Variants in EGF observed in about 807,000 individuals in gnomAD.
The protein encoded by EGF is pro-epidermal growth factor.
In EGF, 95 loss-of-function variants were observed where a neutral mutation model predicts 143.8. The ratio of observed to expected loss-of-function variants is 0.66; its 90% CI spans 0.56 to 0.78. The LOEUF is 0.78. Among genes scored for constraint, EGF ranks in the 30% least tolerant of loss-of-function variants. EGF has a pLI of 0.00. For missense variants in EGF, 1,320 were observed against 1,470.9 expected (o/e 0.90, Z 1.68); for synonymous variants, 510 against 510.5 (o/e 1.00, Z 0.01).
chr4:109,943,701 G>A, intron 3 of EGF, 141 bp from the exon 4 acceptor site: 1 of 793,928 alleles, frequency 1.3e-6, no homozygotes. Context: ...TCTACAATAG[G>A]GCAGTGTTTA....
intron 18 of EGF, among the ~76,000 whole-genome samples, chr4:109,989,495 C>G (rs1324909147): frequency 6.6e-6 from 1 of 152,204 alleles, no homozygotes; most frequent in East Asian, 1.9e-4. Context: ...AATGATACTG[C>G]TTTCTCCCAC....
chr4:109,980,888 A>G lies in EGF; in HGVS notation c.2284A>G (p.Thr762Ala), dbSNP rs1332918582. ...CEHICKKRLGTAWCSCREGFM... is the reference protein window; with the variant it reads ...CEHICKKRLGAAWCSCREGFM... Reference sequence around the variant, plus strand: ...ACATATTTGCAAAAAGAGGCTTGGAACTGCTTGGTGTTCGTGTCGTGAAGG... The same window carrying G: ...ACATATTTGCAAAAAGAGGCTTGGAGCTGCTTGGTGTTCGTGTCGTGAAGG... The change falls in exon 15 of 24, where the codon ACT becomes GCT. Residue 762 changes from threonine (T) to alanine (A), a missense_variant. Thr to Ala is a moderately conservative substitution (Grantham distance 58, BLOSUM62 0). Coordinates refer to ENST00000265171, the MANE Select transcript of EGF (RefSeq NM_001963.6). 1 of 1,614,080 alleles carries G rather than the reference A, an allele frequency of 6.2e-7. No homozygotes were observed. Among genetic ancestry groups the G allele is most frequent in the Admixed American group, 1.7e-5 (1 of 59,998 alleles).
At chr4:109,979,908 C>T (rs1223597795) in intron 13 of EGF, 64 bp from the exon 14 acceptor site, 1 of 1,589,218 alleles carries the variant, frequency 6.3e-7, no homozygotes, top group Non-Finnish European at 8.6e-7. Flanking sequence ...CAAGCCTTGT[C>T]CTTTCGTAAA....
intron 1 of EGF, among the ~76,000 whole-genome samples, chr4:109,926,879 T>C (rs1461158633): frequency 6.6e-6 from 1 of 152,228 alleles, no homozygotes; most frequent in Non-Finnish European, 1.5e-5. Flanking sequence ...TGAAGATAGA[T>C]GTTGGAGATG....
intron 20 of EGF, among the ~76,000 whole-genome samples, chr4:109,998,238 C>G (rs759969704): frequency 2.0e-5 from 3 of 152,204 alleles, no homozygotes; most frequent in Non-Finnish European, 4.4e-5. Flanking sequence ...TAGTAAATGG[C>G]TGTAACCAAA....
chr4:109,992,552 A>G (rs553040154), intron 18 of EGF: 2 of 152,316 alleles, frequency 1.3e-5, no homozygotes, highest in African/African-American at 2.4e-5. Flanking sequence ...TCCTTCAGGG[A>G]TCTAGAACTA....
intron 5 of EGF, among the ~76,000 whole-genome samples, chr4:109,948,028 C>A (rs72894562): frequency 0.011 from 1,672 of 152,314 alleles, 25 homozygotes; most frequent in African/African-American, 0.038. Flanking sequence ...CTCTTCAGAG[C>A]CCCTCACTAC....
At chr4:109,960,462 T>C (rs1745502717) in intron 6 of EGF, among the ~76,000 whole-genome samples, 1 of 152,170 alleles carries the variant, frequency 6.6e-6, no homozygotes, top group Non-Finnish European at 1.5e-5. Flanking sequence ...CTGAGCAATG[T>C]AGCAAAACCC....
chr4:109,988,469 C>T, intron 17 of EGF, 115 bp from the exon 18 acceptor site: 1 of 1,491,500 alleles, frequency 6.7e-7, no homozygotes, highest in East Asian at 2.3e-5. Context: ...TTGGCAACAG[C>T]ACCTGTAAAG....
At chr4:109,983,400 T>C (rs779564723) in intron 15 of EGF, 22 bp from the exon 16 acceptor site, 6 of 1,612,104 alleles carry the variant, frequency 3.7e-6, no homozygotes, top group Non-Finnish European at 5.1e-6. Flanking sequence ...TAAATTTAAT[T>C]GCATCTATTG....
intron 10 of EGF, among the ~76,000 whole-genome samples, chr4:109,966,830 T>A (rs1318429554): frequency 6.6e-6 from 1 of 152,212 alleles, no homozygotes; most frequent in African/African-American, 2.4e-5. Flanking sequence ...GTAGGCTGCT[T>A]GTGTGTCTTC....
chr4:109,943,635 A>G (rs1215202902), intron 3 of EGF, among the ~76,000 whole-genome samples, 200 bp downstream of exon 3: 1 of 152,174 alleles, frequency 6.6e-6, no homozygotes, highest in African/African-American at 2.4e-5. Flanking sequence ...CCTAACTATC[A>G]TGGTTTTCTG....
chr4:109,938,386 A>G (rs1741251494), intron 1 of EGF, among the ~76,000 whole-genome samples: 1 of 152,134 alleles, frequency 6.6e-6, no homozygotes. Context: ...GCTCTTCTCT[A>G]CACTGTTGAT....
At position 109,999,673 on chromosome 4, in the gene EGF, T is replaced by C; in HGVS notation, c.3006-6T>C. 2.5e-6 allele frequency: 4 copies of C among 1,614,190 alleles called. No homozygotes were observed. Among genetic ancestry groups the C allele is most frequent in the Non-Finnish European group, 3.4e-6 (4 of 1,180,022 alleles). On this transcript the variant is annotated splice_region_variant and splice_polypyrimidine_tract_variant and intron_variant, in intron 20 of 23. Transcript: ENST00000265171. The stretch of plus-strand genomic sequence containing the variant: ...TCTGATGACCTCTGTTTGTGTGTTG[T>C]CACAGCTGTGTTGTTGGCTACATCG...
chr4:109,957,574 T>G (rs929958339), intron 5 of EGF, among the ~76,000 whole-genome samples: 2 of 152,254 alleles, frequency 1.3e-5, no homozygotes, highest in Non-Finnish European at 2.9e-5. Flanking sequence ...TTTTGAGATT[T>G]GAAGTAGAAG....
In EGF at chr4:109,994,874, C is replaced by A; in HGVS notation, c.2999C>A (p.Ala1000Glu). The A allele has an allele frequency of 4.3e-6, 7 of 1,614,122 alleles. No homozygotes were observed. The highest frequency in any genetic ancestry group is 5.9e-6 in the Non-Finnish European group (7 of 1,179,974). ...CMYIEALDKY[A>E]CNCVVGYIGE... The stretch of plus-strand genomic sequence containing the variant: ...TATATTGAAGCATTGGACAAGTATG[C>A]ATGCAAGTAAGTTAAACTGTCTTGC... The change falls in exon 20 of 24, where the codon GCA becomes GAA. Residue 1000 changes from alanine to glutamate, a missense_variant. Ala to Glu is a moderately radical substitution (Grantham distance 107, BLOSUM62 -1). Transcript: ENST00000265171.
chr4:109,946,811 C>G (rs1453909841), intron 5 of EGF, among the ~76,000 whole-genome samples: 4 of 152,074 alleles, frequency 2.6e-5, no homozygotes, highest in Non-Finnish European at 4.4e-5. Context: ...TAAATGTAGT[C>G]TTCTCTGAAT....
chr4:109,989,941 C>CCA (rs749767987), intron 18 of EGF, among the ~76,000 whole-genome samples: 14 of 151,996 alleles, frequency 9.2e-5, no homozygotes, highest in Non-Finnish European at 1.6e-4. Flanking sequence ...TCTCCCCGCC[C>CCA]CATATATATA....
intron 18 of EGF, among the ~76,000 whole-genome samples, chr4:109,990,942 C>T (rs1462286839): frequency 1.3e-5 from 2 of 152,144 alleles, no homozygotes; most frequent in African/African-American, 2.4e-5. Context: ...TCTTCAAATA[C>T]AGTCACTTTG....
Sources: gnomAD v4.1 joint callset for allele counts (sites outside exome capture counted in the v4.1 genomes callset) on GRCh38, gnomAD v4.1.1 for gene constraint, MANE v1.5 for transcripts, NCBI Gene and HGNC (gene_info 2026-07-23, HGNC 2026-07-21) for gene names.